The following FYCO1 variants were observed in gnomAD, a reference collection of about 807,000 sequenced individuals.
FYCO1 encodes the protein FYVE and coiled-coil domain-containing protein 1.
In FYCO1, 122 loss-of-function variants were observed where a neutral mutation model predicts 165.1. The observed-to-expected ratio is 0.74, with a 90% CI of 0.64 to 0.86. FYCO1 has a LOEUF of 0.86. FYCO1 is among the 40% of genes least tolerant of loss of function. The pLI is 0.00. For synonymous variants in FYCO1, 648 were observed against 742.5 expected (o/e 0.87, Z 2.07); for missense variants, 1,702 against 1,810.3 (o/e 0.94, Z 1.09).
At position 45,973,208 on chromosome 3, in the gene FYCO1, G is replaced by A; in HGVS notation, c.419C>T (p.Pro140Leu). 1.2e-6 allele frequency: 2 copies of A among 1,614,152 alleles called. No individual in the cohort carries two copies. Among genetic ancestry groups the A allele is most frequent in the Non-Finnish European group, 1.7e-6 (2 of 1,180,012 alleles). The change falls in exon 6 of 18, where the codon CCC becomes CTC. Residue 140 changes from proline (P) to leucine (L), a missense_variant. By Grantham distance (98) the Pro-to-Leu change is moderately conservative. Transcript: ENST00000296137. The part of the protein sequence containing the change: ...VTSDWYYARS[P>L]FLQPKLSSDI... ...CGAGCTCAGCTTTGGCTGCAGAAAG[G>A]GGCTTCTTGCATAGTACCAGTCACT...
In FYCO1 at chr3:45,966,920, T is replaced by C. The variant is rs1706065570; in HGVS notation, c.2414A>G (p.Asp805Gly). Reference sequence around the variant, plus strand: ...TAGCTGGCTCTGCACCTTGTCCTGGTCATCCAGGGCTGCCCGCATCTTGGC... The same window carrying C: ...TAGCTGGCTCTGCACCTTGTCCTGGCCATCCAGGGCTGCCCGCATCTTGGC... Reference protein sequence around the residue: ...LQAKMRAALDDQDKVQSQLSM... With the variant: ...LQAKMRAALDGQDKVQSQLSM... Residue 805 changes from aspartate (D) to glycine (G), a missense_variant, in exon 8 of 18, where the codon GAC (aspartate) becomes GGC (glycine). Physicochemically the swap from Asp to Gly is moderately conservative, Grantham distance 94. Transcript: ENST00000296137. 2.5e-5 allele frequency: 41 copies of C among 1,613,680 alleles called. No homozygotes were observed. Among genetic ancestry groups the C allele is most frequent in the Non-Finnish European group, 3.5e-5 (41 of 1,180,044 alleles).
intron 11 of FYCO1, among the ~76,000 whole-genome samples, chr3:45,960,067 G>A (rs1031366636): frequency 6.6e-6 from 1 of 152,172 alleles, no homozygotes; most frequent in African/African-American, 2.4e-5. Context: ...TCAGAGAGAT[G>A]GTAAGGTCAC....
intron 13 of FYCO1, among the ~76,000 whole-genome samples, chr3:45,957,045 T>C (rs936613787): frequency 2.6e-5 from 4 of 152,132 alleles, no homozygotes; most frequent in African/African-American, 9.7e-5. Context: ...GGCACATAGA[T>C]AAATGGAATA....
intron 14 of FYCO1, chr3:45,945,351 T>G (rs1052343061): frequency 1.3e-5 from 2 of 152,304 alleles, no homozygotes; most frequent in Non-Finnish European, 2.9e-5. Flanking sequence ...TCTGCAGTCC[T>G]GTAGCAAGGG....
At chr3:45,988,683 T>C (rs761742513) in intron 1 of FYCO1, among the ~76,000 whole-genome samples, 6 of 152,230 alleles carry the variant, frequency 3.9e-5, no homozygotes, top group African/African-American at 1.2e-4. Context: ...TTTGGAAGCA[T>C]TGAATTTCCT....
intron 14 of FYCO1, chr3:45,947,748 T>C: frequency 1.9e-6 from 1 of 519,448 alleles, no homozygotes; most frequent in Admixed American, 3.5e-5. Context: ...CCTTCCTCCA[T>C]CTCCAAGAAT....
chr3:45,969,045 G>A (rs974106925), intron 7 of FYCO1, among the ~76,000 whole-genome samples: 5 of 152,120 alleles, frequency 3.3e-5, no homozygotes, highest in South Asian at 2.1e-4. Context: ...TGCCATACCC[G>A]TAACTGCAAC....
chr3:45,947,186 G>A, intron 14 of FYCO1: 1 of 1,614,146 alleles, frequency 6.2e-7, no homozygotes, highest in South Asian at 1.1e-5. Context: ...TCATCTTCCT[G>A]GTGATGGCTG....
rs1340885888 is a variant in FYCO1 at position 45,959,531 on chromosome 3, G to A, written c.3449C>T (p.Ala1150Val). The change falls in exon 12 of 18, where the codon GCT (alanine) becomes GTT (valine). Residue 1150 changes from alanine to valine, a missense_variant. Ala to Val is a moderately conservative substitution (Grantham distance 64, BLOSUM62 0). Coordinates refer to ENST00000296137, the MANE Select transcript of FYCO1 (RefSeq NM_024513.4). ...CAGGGCATCTGACTTCTGCCAGAGA[G>A]CATCCTTGTCCCTGGGACAAAACCA... The part of the protein sequence containing the change: ...RLIELLRDKD[A>V]LWQKSDALEF... The A allele has an allele frequency of 6.2e-7, 1 of 1,614,094 alleles. No individual in the cohort carries two copies. The highest frequency in any genetic ancestry group is 8.5e-7 in the Non-Finnish European group (1 of 1,179,994).
At chr3:45,923,574 GT>G (rs1196711748) in intron 17 of FYCO1, 81 bp downstream of exon 17, 2 of 858,422 alleles carry the variant, frequency 2.3e-6, no homozygotes, top group Non-Finnish European at 4.1e-6. Flanking sequence ...CAAATAATTG[GT>G]TTTGAGTGTC....
rs1046677064 is a variant in FYCO1 at position 45,962,820 on chromosome 3, T to C, written c.3270-428A>G. Among the ~76,000 whole-genome samples, 7 of 152,164 alleles carry C rather than the reference T, an allele frequency of 4.6e-5. No individual in the cohort carries two copies. In the South Asian group the frequency reaches 1.5e-3, roughly 32 times the overall value. On this transcript the variant is annotated intron_variant, in intron 10 of 17. Transcript: ENST00000296137. This position sits in a 1 kb window ranked among gnomAD's most constrained non-coding sequence, Gnocchi z 4.4. ...AGGAGGGCCTGTCTTCCACACGTCC[T>C]TGGGACTCTACACATGGGGCATGGC...
intron 15 of FYCO1, among the ~76,000 whole-genome samples, chr3:45,935,034 T>A (rs1250096088): frequency 6.6e-6 from 1 of 152,218 alleles, no homozygotes; most frequent in Admixed American, 6.5e-5. Context: ...GTCTGCCCCA[T>A]AATTCAATAT....
intron 14 of FYCO1, among the ~76,000 whole-genome samples, chr3:45,942,341 T>C (rs1409139803): frequency 6.6e-6 from 1 of 152,230 alleles, no homozygotes; most frequent in Admixed American, 6.5e-5. Context: ...GCATCCAGCA[T>C]AGGGCCAGGC....
intron 14 of FYCO1, chr3:45,948,338 T>A (rs1704772371): frequency 6.0e-6 from 1 of 165,632 alleles, no homozygotes; most frequent in African/African-American, 2.4e-5. Context: ...AATAAAACTG[T>A]TAAAGTCTCC....
chr3:45,979,713 TAG>T lies in FYCO1; in HGVS notation c.278_279del (p.Ser93TyrfsTer40). 6.2e-7 allele frequency: 1 copy of T among 1,613,974 alleles called. No individual in the cohort carries two copies. On this transcript the variant is annotated frameshift_variant, in exon 4 of 18. Transcript: ENST00000296137. LOFTEE classifies it high-confidence loss of function. Reference sequence around the variant, plus strand: ...CTGCTTGCTCAGCTTACCTCTGAGATAGACTTGACAAAGCGGATCCCATCATT... The same window carrying T: ...CTGCTTGCTCAGCTTACCTCTGAGATACTTGACAAAGCGGATCCCATCATT... The part of the protein sequence containing the change: ...GANDGIRFVK[S>X]ISELRTSLGK...
In FYCO1 at chr3:45,931,214, TCA is replaced by T; in HGVS notation, c.4106_4107del (p.Val1369GlufsTer26). On this transcript the variant is annotated frameshift_variant, in exon 16 of 18. Coordinates refer to ENST00000296137, the MANE Select transcript of FYCO1 (RefSeq NM_024513.4). LOFTEE classifies it high-confidence loss of function. ...SFGEGSRELF[V>X]RSSTYSLIPI... The stretch of plus-strand genomic sequence containing the variant: ...GGGATCAGGCTGTAGGTGCTGGACC[TCA>T]CAAACAGCTCCCTGCTACCCTCCCC... The T allele has an allele frequency of 6.2e-7, 1 of 1,614,022 alleles. No individual in the cohort carries two copies. The highest frequency in any genetic ancestry group is 2.2e-5 in the East Asian group (1 of 44,878).
rs754335153 is a variant in FYCO1, at chr3:45,966,737, C to A, written c.2597G>T (p.Arg866Met). The A allele has an allele frequency of 1.2e-6, 2 of 1,611,664 alleles. No homozygotes were observed. Among genetic ancestry groups the A allele is most frequent in the African/African-American group, 1.3e-5 (1 of 74,928 alleles). The change falls in exon 8 of 18, where the codon AGG becomes ATG. Residue 866 changes from arginine (R) to methionine (M), a missense_variant. Physicochemically the swap from Arg to Met is moderately conservative, Grantham distance 91 (BLOSUM62 -1). Transcript: ENST00000296137. ...QEERADEAQQ[R>M]EEELRALQEE... ...CTGCAGGGCCCGCAGCTCCTCCTCC[C>A]TCTGCTGGGCCTCATCGGCCCTCTC... is the stretch of plus-strand genomic sequence containing the variant.
intron 15 of FYCO1, 127 bp downstream of exon 15, chr3:45,936,317 AAAAG>A: frequency 4.3e-6 from 3 of 698,478 alleles, no homozygotes; most frequent in Non-Finnish European, 5.2e-6. Context: ...TGCCTGAAAA[AAAAG>A]AATAAACGAA....
chr3:45,954,825 G>A (rs2125833365), intron 14 of FYCO1, among the ~76,000 whole-genome samples: 1 of 152,290 alleles, frequency 6.6e-6, no homozygotes, highest in Middle Eastern at 3.4e-3. Context: ...AGGCAGCAAG[G>A]GGGCAGATAT....
Sources: gnomAD v4.1 joint callset for allele counts (sites outside exome capture counted in the v4.1 genomes callset) on GRCh38, gnomAD v4.1.1 for gene constraint, Gnocchi (gnomAD v3.1) non-coding constraint, MANE v1.5 for transcripts, NCBI Gene and HGNC (gene_info 2026-07-23, HGNC 2026-07-21) for gene names.